Variants in HMGCLL1 observed in about 807,000 individuals in gnomAD.
The protein encoded by HMGCLL1 is 3-hydroxymethyl-3-methylglutaryl-CoA lyase, cytoplasmic.
HMGCLL1 carries 36 observed loss-of-function variants against 39.1 expected under a neutral mutation model. The ratio of observed to expected loss-of-function variants is 0.92; its 90% CI spans 0.71 to 1.22. HMGCLL1 has a LOEUF of 1.22. Ranked by LOEUF, HMGCLL1 falls within the 50% of genes most tolerant of loss-of-function variation. HMGCLL1 has a pLI of 0.00. For synonymous variants in HMGCLL1, 149 were observed against 144.0 expected (o/e 1.03, Z -0.25); for missense variants, 451 against 416.5 (o/e 1.08, Z -0.72).
chr6:55,474,950 T>C (rs1447842171), intron 7 of HMGCLL1, among the ~76,000 whole-genome samples: 1 of 151,612 alleles, frequency 6.6e-6, no homozygotes, highest in Non-Finnish European at 1.5e-5. Context: ...TAATCTGCTG[T>C]TATTAGACTG....
At chr6:55,469,766 G>A (rs1467403513) in intron 7 of HMGCLL1, among the ~76,000 whole-genome samples, 2 of 151,662 alleles carry the variant, frequency 1.3e-5, no homozygotes, top group Non-Finnish European at 2.9e-5. Flanking sequence ...GTTGATGCAG[G>A]TGCATATTCA....
intron 7 of HMGCLL1, among the ~76,000 whole-genome samples, chr6:55,477,220 AAT>A (rs1561904253): frequency 1.4e-4 from 2 of 14,376 alleles, no homozygotes; most frequent in Admixed American, 1.4e-3. Context: ...ATTATATTAT[AAT>A]ATATAATATA....
At chr6:55,658,290 T>C in the HMGCLL1 span, among the ~76,000 whole-genome samples, 1 of 151,990 alleles carries the variant, frequency 6.6e-6, no homozygotes, top group Non-Finnish European at 1.5e-5. Context: ...AGGCAAATTC[T>C]GTTTCAACGT....
chr6:55,446,910 C>T (rs770503245), intron 7 of HMGCLL1, among the ~76,000 whole-genome samples: 1 of 151,658 alleles, frequency 6.6e-6, no homozygotes, highest in Admixed American at 6.6e-5. Flanking sequence ...CATTTTTTAT[C>T]CCCTAAGATC....
intron 7 of HMGCLL1, among the ~76,000 whole-genome samples, chr6:55,446,979 A>C (rs1287605736): frequency 6.6e-6 from 1 of 152,034 alleles, no homozygotes; most frequent in Non-Finnish European, 1.5e-5. Context: ...AAATTTCTGA[A>C]AGTGAAAATT....
At chr6:55,515,258 A>G (rs1438540982) in intron 4 of HMGCLL1, among the ~76,000 whole-genome samples, 1 of 151,978 alleles carries the variant, frequency 6.6e-6, no homozygotes. Context: ...TCTCAGAAAA[A>G]AAAAAAAAAA....
intron 7 of HMGCLL1, among the ~76,000 whole-genome samples, chr6:55,483,930 G>A (rs1392600259): frequency 6.6e-6 from 1 of 152,150 alleles, no homozygotes; most frequent in Non-Finnish European, 1.5e-5. Context: ...ATTTAAGCAC[G>A]TTATGTGTCA....
chr6:55,532,305 G>C (rs1380060167), intron 3 of HMGCLL1, among the ~76,000 whole-genome samples: 2 of 152,078 alleles, frequency 1.3e-5, no homozygotes, highest in Non-Finnish European at 2.9e-5. Context: ...TGTTCTGCTT[G>C]AAAATATGAG....
the HMGCLL1 span, among the ~76,000 whole-genome samples, chr6:55,660,609 A>G: frequency 7.2e-5 from 11 of 151,910 alleles, no homozygotes; most frequent in African/African-American, 1.4e-4. Flanking sequence ...CCTTTATTCA[A>G]TCTTTCATTG....
At chr6:55,485,165 C>T (rs1247046737) in intron 7 of HMGCLL1, among the ~76,000 whole-genome samples, 1 of 152,028 alleles carries the variant, frequency 6.6e-6, no homozygotes, top group Admixed American at 6.6e-5. Context: ...CCTTCCCGAC[C>T]ACTTAGTAAA....
the HMGCLL1 span, among the ~76,000 whole-genome samples, chr6:55,633,514 A>G: frequency 1.3e-5 from 2 of 151,842 alleles, no homozygotes; most frequent in Admixed American, 6.6e-5. Context: ...AGGTAGACAT[A>G]TGAAAAAATG....
At chr6:55,533,811 G>A (rs986450610) in intron 3 of HMGCLL1, among the ~76,000 whole-genome samples, 4 of 141,790 alleles carry the variant, frequency 2.8e-5, no homozygotes, top group Non-Finnish European at 6.1e-5. Flanking sequence ...GCGTGAACCC[G>A]GGAGGCGGAG....
chr6:55,505,465 C>A (rs1202142692), intron 5 of HMGCLL1, among the ~76,000 whole-genome samples: 1 of 151,576 alleles, frequency 6.6e-6, no homozygotes, highest in African/African-American at 2.4e-5. Context: ...AAATAACATG[C>A]CATTATTATT....
At chr6:55,478,694 T>C (rs1442227292) in intron 7 of HMGCLL1, among the ~76,000 whole-genome samples, 14 of 151,412 alleles carry the variant, frequency 9.2e-5, no homozygotes, top group Non-Finnish European at 1.9e-4. Context: ...CTCTATAATA[T>C]AGCAAAACAC....
intron 7 of HMGCLL1, among the ~76,000 whole-genome samples, chr6:55,486,662 T>C (rs1322198944): frequency 3.9e-5 from 6 of 152,096 alleles, no homozygotes; most frequent in African/African-American, 1.4e-4. Context: ...TCACCTTACA[T>C]ACACTCACAA....
the HMGCLL1 span, among the ~76,000 whole-genome samples, chr6:55,613,239 A>G: frequency 6.6e-6 from 1 of 152,260 alleles, no homozygotes; most frequent in Non-Finnish European, 1.5e-5. Context: ...TGAAACCACA[A>G]TGAGATACCA....
At chr6:55,627,372 G>T in the HMGCLL1 span, among the ~76,000 whole-genome samples, 1 of 152,040 alleles carries the variant, frequency 6.6e-6, no homozygotes, top group Non-Finnish European at 1.5e-5. Context: ...GGGGATTGGT[G>T]CACTTCTGGT....
At chr6:55,567,309 T>G (rs545029309) in intron 1 of HMGCLL1, among the ~76,000 whole-genome samples, 2 of 152,088 alleles carry the variant, frequency 1.3e-5, no homozygotes, top group African/African-American at 4.8e-5. Context: ...TTTATAAGAT[T>G]ATGGGGTCTT....
chr6:55,570,177 G>T (rs532019517), intron 1 of HMGCLL1, among the ~76,000 whole-genome samples: 1 of 152,198 alleles, frequency 6.6e-6, no homozygotes, highest in Non-Finnish European at 1.5e-5. Context: ...TCCTTCTGTA[G>T]AACCCTACGT....
Sources: allele counts gnomAD v4.1 joint callset (sites outside exome capture counted in the v4.1 genomes callset), GRCh38; gene constraint gnomAD v4.1.1; transcripts MANE v1.5; gene names NCBI Gene and HGNC (gene_info 2026-07-23, HGNC 2026-07-21).